The following CNTNAP5 variants were observed in gnomAD, a reference collection of about 807,000 sequenced individuals.
The protein encoded by CNTNAP5 is contactin associated protein family member 5.
CNTNAP5 carries 72 observed loss-of-function variants against 150.2 expected under a neutral mutation model. That is an observed-to-expected ratio of 0.48 (90% confidence interval 0.40 to 0.58). The LOEUF is 0.58. Among genes scored for constraint, CNTNAP5 ranks in the 20% least tolerant of loss-of-function variants. The pLI, the probability that CNTNAP5 is intolerant of heterozygous loss-of-function variation, is 0.00. For synonymous variants in CNTNAP5, 672 were observed against 619.8 expected (o/e 1.08, Z -1.25); for missense variants, 1,636 against 1,626.2 (o/e 1.01, Z -0.10).
At chr2:124,038,359 C>T (rs1210096994) in intron 1 of CNTNAP5, among the ~76,000 whole-genome samples, 1 of 152,130 alleles carries the variant, frequency 6.6e-6, no homozygotes, top group East Asian at 1.9e-4. Context: ...TCTCCTGTAT[C>T]TTCTATTTCA....
chr2:124,281,889 A>G (rs1438713720), intron 3 of CNTNAP5, among the ~76,000 whole-genome samples: 3 of 152,008 alleles, frequency 2.0e-5, no homozygotes, highest in Non-Finnish European at 2.9e-5. Flanking sequence ...CTCTTCCCTC[A>G]CGTAATTTCT....
intron 8 of CNTNAP5, among the ~76,000 whole-genome samples, chr2:124,509,508 G>A (rs1003847325): frequency 2.6e-5 from 4 of 152,170 alleles, no homozygotes; most frequent in South Asian, 2.1e-4. Context: ...CTAGGGGCTT[G>A]TCATACAAAA....
intron 13 of CNTNAP5, among the ~76,000 whole-genome samples, chr2:124,682,127 G>A (rs771539087): frequency 3.9e-5 from 6 of 152,120 alleles, no homozygotes; most frequent in African/African-American, 9.7e-5. Flanking sequence ...TCTTCTTTCC[G>A]AGGTCTTTTT....
intron 1 of CNTNAP5, among the ~76,000 whole-genome samples, chr2:124,129,253 A>C (rs1195606186): frequency 6.6e-6 from 1 of 152,166 alleles, no homozygotes; most frequent in Non-Finnish European, 1.5e-5. Context: ...TTAGAAAAAA[A>C]AGTAGATGAA....
intron 5 of CNTNAP5, among the ~76,000 whole-genome samples, chr2:124,443,215 C>T (rs1476425245): frequency 6.7e-6 from 1 of 149,340 alleles, no homozygotes; most frequent in African/African-American, 2.4e-5. Context: ...ATGTGATATG[C>T]CCTATATATC....
At chr2:124,785,041 G>GAAAAAAAAAAAAAA (rs67254743) in intron 17 of CNTNAP5, among the ~76,000 whole-genome samples, 3 of 123,470 alleles carry the variant, frequency 2.4e-5, no homozygotes, top group East Asian at 2.4e-4. Context: ...TTAAGGCTGA[G>GAAAAAAAAAAAAAA]AAAAAAAAAA....
At chr2:124,231,055 C>T (rs905982344) in intron 2 of CNTNAP5, among the ~76,000 whole-genome samples, 9 of 152,136 alleles carry the variant, frequency 5.9e-5, no homozygotes, top group African/African-American at 2.2e-4. Context: ...GGACATCCAC[C>T]AGGAGCTTGT....
At chr2:124,727,129 A>G (rs1216053326) in intron 13 of CNTNAP5, among the ~76,000 whole-genome samples, 1 of 152,060 alleles carries the variant, frequency 6.6e-6, no homozygotes, top group Admixed American at 6.6e-5. Flanking sequence ...TACTCTTGCC[A>G]AAGGTAGTTG....
intron 1 of CNTNAP5, among the ~76,000 whole-genome samples, chr2:124,150,645 G>A (rs1684383380): frequency 6.6e-6 from 1 of 151,706 alleles, no homozygotes; most frequent in South Asian, 2.1e-4. Context: ...ACATGGTGGG[G>A]AGAGAGAAAG....
chr2:124,392,941 A>G (rs991623295), intron 3 of CNTNAP5, among the ~76,000 whole-genome samples: 1 of 152,200 alleles, frequency 6.6e-6, no homozygotes, highest in Non-Finnish European at 1.5e-5. Context: ...TCTGATGTGG[A>G]CCAATCCCAG....
intron 1 of CNTNAP5, among the ~76,000 whole-genome samples, chr2:124,124,772 G>T (rs1558765194): frequency 6.6e-6 from 1 of 152,194 alleles, no homozygotes; most frequent in Non-Finnish European, 1.5e-5. Context: ...CATTCTTAAA[G>T]AAAAGAATTT....
chr2:124,589,048 C>G (rs1696618775), intron 11 of CNTNAP5, among the ~76,000 whole-genome samples: 1 of 152,090 alleles, frequency 6.6e-6, no homozygotes, highest in South Asian at 2.1e-4. Context: ...ATTTCATAGA[C>G]CATACATTTC....
At chr2:124,273,257 T>C (rs144626837) in intron 3 of CNTNAP5, among the ~76,000 whole-genome samples, 2,084 of 152,284 alleles carry the variant, frequency 0.014, 21 homozygotes, top group Non-Finnish European at 0.02. Context: ...TCAAAAGATA[T>C]AGTGGGTGAT....
At chr2:124,604,116 C>T (rs935303578) in intron 11 of CNTNAP5, among the ~76,000 whole-genome samples, 1 of 152,126 alleles carries the variant, frequency 6.6e-6, no homozygotes, top group South Asian at 2.1e-4. Flanking sequence ...GCTTCTTGCA[C>T]TTTCAGTGGT....
At chr2:124,647,025 C>T (rs4848959) in intron 12 of CNTNAP5, among the ~76,000 whole-genome samples, 1 of 151,960 alleles carries the variant, frequency 6.6e-6, no homozygotes, top group African/African-American at 2.4e-5. Context: ...CAAGCTTGTT[C>T]TTGGCAGATA....
At chr2:124,552,538 A>G (rs1392982300) in intron 10 of CNTNAP5, among the ~76,000 whole-genome samples, 2 of 152,130 alleles carry the variant, frequency 1.3e-5, no homozygotes, top group Admixed American at 6.5e-5. Flanking sequence ...CTCTCTTTTT[A>G]GAGACCATTT....
chr2:124,880,725 C>A (rs1677947621), intron 21 of CNTNAP5, among the ~76,000 whole-genome samples: 1 of 151,954 alleles, frequency 6.6e-6, no homozygotes, highest in African/African-American at 2.4e-5. Flanking sequence ...GATCTTTGTT[C>A]CCAAAGTGAT....
intron 1 of CNTNAP5, among the ~76,000 whole-genome samples, chr2:124,201,085 C>T (rs1231664744): frequency 6.6e-6 from 1 of 152,168 alleles, no homozygotes; most frequent in Non-Finnish European, 1.5e-5. Flanking sequence ...AGTTGAAGAG[C>T]AGGGCTTGTA....
intron 1 of CNTNAP5, among the ~76,000 whole-genome samples, chr2:124,165,843 G>T (rs1212762408): frequency 6.6e-6 from 1 of 152,154 alleles, no homozygotes; most frequent in Non-Finnish European, 1.5e-5. Flanking sequence ...ACTTGGCTTT[G>T]GTAGAAATCT....
Sources: allele counts gnomAD v4.1 joint callset (sites outside exome capture counted in the v4.1 genomes callset), GRCh38; gene constraint gnomAD v4.1.1; transcripts MANE v1.5; gene names NCBI Gene and HGNC (gene_info 2026-07-23, HGNC 2026-07-21).